The following UNC13C variants were observed in gnomAD, a reference collection of about 807,000 sequenced individuals.
The protein encoded by UNC13C is unc-13 homolog C.
UNC13C carries 174 observed loss-of-function variants against 245.4 expected under a neutral mutation model. The ratio of observed to expected loss-of-function variants is 0.71; its 90% CI spans 0.63 to 0.80. The LOEUF (loss-of-function observed/expected upper bound fraction) is 0.80. UNC13C is among the 30% of genes least tolerant of loss of function. The pLI is 0.00. For missense variants in UNC13C, 2,829 were observed against 2,602.9 expected (o/e 1.09, Z -1.89); for synonymous variants, 992 against 895.1 (o/e 1.11, Z -1.93).
intron 7 of UNC13C, among the ~76,000 whole-genome samples, chr15:54,249,149 C>T (rs1182218256): frequency 6.6e-6 from 1 of 151,944 alleles, no homozygotes; most frequent in Non-Finnish European, 1.5e-5. Flanking sequence ...AAGTCACCTG[C>T]TTTGTGGGAT....
At chr15:54,467,538 G>T (rs896117827) in intron 19 of UNC13C, among the ~76,000 whole-genome samples, 1 of 151,386 alleles carries the variant, frequency 6.6e-6, no homozygotes, top group African/African-American at 2.4e-5. Context: ...ATTATTTACT[G>T]TAGTCACCAT....
At chr15:53,988,260 C>G (rs1198965855) in intron 1 of UNC13C, among the ~76,000 whole-genome samples, 3 of 152,010 alleles carry the variant, frequency 2.0e-5, no homozygotes, top group Non-Finnish European at 4.4e-5. Context: ...AGATACAATA[C>G]AGCAGTTTCC....
At chr15:54,552,587 T>A (rs577929918) in intron 28 of UNC13C, among the ~76,000 whole-genome samples, 5 of 40,830 alleles carry the variant, frequency 1.2e-4, no homozygotes, top group South Asian at 7.8e-4. Flanking sequence ...TATATTATAT[T>A]GTACAATATA....
chr15:53,854,072 G>A, the UNC13C span, among the ~76,000 whole-genome samples: 1 of 150,036 alleles, frequency 6.7e-6, no homozygotes, highest in South Asian at 2.1e-4. Context: ...CTTTGCCTGC[G>A]CCTATTTCCT....
At chr15:53,892,433 T>C in the UNC13C span, among the ~76,000 whole-genome samples, 98 of 152,330 alleles carry the variant, frequency 6.4e-4, no homozygotes, top group East Asian at 0.014. Flanking sequence ...TCTTGCTAGG[T>C]TGGGGAAGTT....
chr15:53,999,313 T>C (rs1336461352), intron 1 of UNC13C, among the ~76,000 whole-genome samples: 3 of 151,872 alleles, frequency 2.0e-5, no homozygotes, highest in Admixed American at 2.0e-4. Context: ...AAAATATACA[T>C]AAGATATATA....
At chr15:53,838,397 A>G in the UNC13C span, among the ~76,000 whole-genome samples, 342 of 152,152 alleles carry the variant, frequency 2.2e-3, 1 homozygote, top group African/African-American at 8.0e-3. Flanking sequence ...TGTTTTTTCC[A>G]TCAATATTTA....
At chr15:54,510,175 A>G (rs1894671256) in intron 23 of UNC13C, among the ~76,000 whole-genome samples, 1 of 152,220 alleles carries the variant, frequency 6.6e-6, no homozygotes, top group Non-Finnish European at 1.5e-5. Context: ...CAAGGTGATA[A>G]TAACCACTCA....
intron 30 of UNC13C, among the ~76,000 whole-genome samples, chr15:54,605,315 G>C (rs1899707593): frequency 6.6e-6 from 1 of 152,158 alleles, no homozygotes; most frequent in South Asian, 2.1e-4. Flanking sequence ...TTAGCACTCT[G>C]AGCCAATCCC....
At chr15:53,928,122 A>G in the UNC13C span, among the ~76,000 whole-genome samples, 1 of 152,004 alleles carries the variant, frequency 6.6e-6, no homozygotes, top group East Asian at 1.9e-4. Flanking sequence ...AAAGACACAC[A>G]CACAGAAATA....
intron 10 of UNC13C, among the ~76,000 whole-genome samples, chr15:54,280,783 C>CAT (rs2036972951): frequency 7.1e-6 from 1 of 141,050 alleles, no homozygotes; most frequent in Non-Finnish European, 1.5e-5. Flanking sequence ...TATATATATA[C>CAT]ACATATATAT....
intron 18 of UNC13C, among the ~76,000 whole-genome samples, chr15:54,408,567 A>G (rs946368455): frequency 6.6e-6 from 1 of 152,190 alleles, no homozygotes; most frequent in African/African-American, 2.4e-5. Context: ...AATTTCAAAA[A>G]TGATATGATT....
intron 28 of UNC13C, among the ~76,000 whole-genome samples, chr15:54,555,074 C>T (rs756402622): frequency 6.6e-6 from 1 of 151,846 alleles, no homozygotes; most frequent in Non-Finnish European, 1.5e-5. Flanking sequence ...TCCTTAAATC[C>T]TTTTCATGAT....
rs77265770 is a variant in UNC13C, at chr15:54,189,596, T to A, written c.3072-45434T>A. On this transcript the variant is annotated intron_variant, in intron 4 of 32. Coordinates refer to ENST00000260323, the MANE Select transcript of UNC13C (RefSeq NM_001080534.3). Reference sequence around the variant, plus strand: ...CAATTATGTAGATATTTCGGGAAAATGGAAACAAGATAATTAAGATAATTT... The same window carrying A: ...CAATTATGTAGATATTTCGGGAAAAAGGAAACAAGATAATTAAGATAATTT... Among the ~76,000 whole-genome samples the A allele has an allele frequency of 6.0e-3, 913 of 152,096 alleles. 52 individuals are homozygous for A. The East Asian group carries it at 0.11, about 18-fold the overall frequency.
intron 30 of UNC13C, among the ~76,000 whole-genome samples, chr15:54,592,868 T>A (rs1001757598): frequency 6.6e-6 from 1 of 151,652 alleles, no homozygotes; most frequent in Non-Finnish European, 1.5e-5. Flanking sequence ...TTTTTGTTTT[T>A]TTTTTTTTTT....
At chr15:53,896,112 T>C in the UNC13C span, among the ~76,000 whole-genome samples, 1,491 of 152,142 alleles carry the variant, frequency 9.8e-3, 30 homozygotes, top group African/African-American at 0.034. Flanking sequence ...ATTGCCAATG[T>C]AGAGTTCCTT....
chr15:54,349,098 TTATAAAATATTTATATTTTATAAATA>T (rs1247693332), intron 17 of UNC13C, among the ~76,000 whole-genome samples: 8 of 148,402 alleles, frequency 5.4e-5, no homozygotes, highest in African/African-American at 1.5e-4. Flanking sequence ...AAATTATAAT[TTATAAAATATTTATATTTTATAAATA>T]TATAAAATAT....
At position 54,530,314 on chromosome 15, in the gene UNC13C, G is replaced by A. The variant is rs74016652; in HGVS notation, c.5547-2603G>A. 1.6e-3 allele frequency among the ~76,000 whole-genome samples: 245 copies of A among 152,282 alleles called. 1 individual carries two copies. The highest frequency in any genetic ancestry group is 5.3e-3 in the African/African-American group (222 of 41,554). Reference sequence around the variant, plus strand: ...TGTGTGTTTGTCTGTGTGCATGTGTGTGTACTGAGAACATTAAGATCTGTC... The same window carrying A: ...TGTGTGTTTGTCTGTGTGCATGTGTATGTACTGAGAACATTAAGATCTGTC... On this transcript the variant is annotated intron_variant, in intron 25 of 32. Coordinates refer to ENST00000260323, the MANE Select transcript of UNC13C (RefSeq NM_001080534.3).
upstream of UNC13C, chr15:53,974,930 A>G (rs951354685): frequency 6.6e-6 from 1 of 152,228 alleles, no homozygotes; most frequent in Non-Finnish European, 1.5e-5. Flanking sequence ...AAAATGGCTC[A>G]TTCGCATGCC....
Sources: gnomAD v4.1 joint callset for allele counts (sites outside exome capture counted in the v4.1 genomes callset) on GRCh38, gnomAD v4.1.1 for gene constraint, MANE v1.5 for transcripts, NCBI Gene and HGNC (gene_info 2026-07-23, HGNC 2026-07-21) for gene names.